Variants in CAND1 observed in about 807,000 individuals in gnomAD.
CAND1 encodes cullin associated and neddylation dissociated 1.
A neutral mutation model predicts 108.5 loss-of-function variants in CAND1; 7 were observed. The ratio of observed to expected loss-of-function variants is 0.06; its 90% CI spans 0.04 to 0.12. The LOEUF (loss-of-function observed/expected upper bound fraction) is 0.12, where lower values mean the gene tolerates loss of function less well. CAND1 is among the 10% of genes least tolerant of loss of function. The pLI, the probability that CAND1 is intolerant of heterozygous loss-of-function variation, is 1.00. For synonymous variants in CAND1, 534 were observed against 512.0 expected (o/e 1.04, Z -0.58); for missense variants, 941 against 1,448.7 (o/e 0.65, Z 5.69).
Position 67,269,612 on chromosome 12 carries a change from G to A in CAND1, c.-106G>A. On this transcript the variant is annotated 5_prime_UTR_variant, in exon 1 of 15. Coordinates refer to ENST00000545606, the MANE Select transcript of CAND1 (RefSeq NM_018448.5). ...CGTCGCGCTGCGACCCTGGAAGCGGGAGCCGCCGCGAGCGAGAGGAGGAGC... is the reference window on the plus strand; with the variant it reads ...CGTCGCGCTGCGACCCTGGAAGCGGAAGCCGCCGCGAGCGAGAGGAGGAGC... 1.0e-6 allele frequency: 1 copy of A among 966,542 alleles called. No homozygotes were observed. Among genetic ancestry groups the A allele is most frequent in the South Asian group, 1.5e-5 (1 of 66,956 alleles). The allele number at this position is 966,542 out of a possible 1,614,324, so 59.9% of individuals were successfully genotyped here.
At chr12:67,302,994 G>A (rs1236509636) in intron 8 of CAND1, among the ~76,000 whole-genome samples, 7 of 152,118 alleles carry the variant, frequency 4.6e-5, no homozygotes, top group Admixed American at 1.3e-4. Context: ...TTTCTTATTT[G>A]TAATAAGAAC....
chr12:67,273,641 A>C (rs1326327865), intron 1 of CAND1, among the ~76,000 whole-genome samples: 1 of 151,056 alleles, frequency 6.6e-6, no homozygotes. Flanking sequence ...GCACCACCAC[A>C]CTCAGCTAAT....
rs550240239 is a variant in CAND1 at position 67,272,020 on chromosome 12, T to A, written c.68+2235T>A. On this transcript the variant is annotated intron_variant, in intron 1 of 14. Transcript: ENST00000545606. ...GGCATTTATTTTAATTTGCTCTTTTTTAAAAAAATGATGCCTTGTTCTCAT... is the reference window on the plus strand; with the variant it reads ...GGCATTTATTTTAATTTGCTCTTTTATAAAAAAATGATGCCTTGTTCTCAT... Among the ~76,000 whole-genome samples the A allele has an allele frequency of 3.3e-5, 5 of 152,336 alleles. No homozygotes were observed. The South Asian group carries it at 6.2e-4, about 19-fold the overall frequency.
chr12:67,311,914 G>A (rs1409706795), intron 14 of CAND1, 114 bp downstream of exon 14: 1 of 623,570 alleles, frequency 1.6e-6, no homozygotes, highest in Non-Finnish European at 2.9e-6. Flanking sequence ...GTAGCAGTTG[G>A]TTTAAAAAGT....
rs145155430 is a variant in CAND1, at chr12:67,297,842, A to G, written c.843A>G (p.Ser281=). Reference sequence around the variant, plus strand: ...AGTACTGTATTCAAGCCTTTGAATCATTTGTAAGAAGGTAAGTTTTTAAGA... The same window carrying G: ...AGTACTGTATTCAAGCCTTTGAATCGTTTGTAAGAAGGTAAGTTTTTAAGA... ...LREYCIQAFE[S]FVRRCPKEVY... Residue 281 remains serine (S), a synonymous_variant, in exon 6 of 15, where the codon TCA becomes TCG. Transcript: ENST00000545606. 7.7e-5 allele frequency: 121 copies of G among 1,573,422 alleles called. No individual in the cohort carries two copies. The highest frequency in any genetic ancestry group is 9.8e-5 in the Non-Finnish European group (113 of 1,155,348).
Position 67,269,643 on chromosome 12 carries a change from TGGCGGCGGCGGC to T in CAND1, c.-68_-57del. 7.6e-7 allele frequency: 1 copy of T among 1,315,762 alleles called. No individual in the cohort carries two copies. The highest frequency in any genetic ancestry group is 1.1e-6 in the Non-Finnish European group (1 of 931,474). The allele number at this position is 1,315,762 out of a possible 1,614,324, so 81.5% of individuals were successfully genotyped here. On this transcript the variant is annotated 5_prime_UTR_variant, in exon 1 of 15. Coordinates refer to ENST00000545606, the MANE Select transcript of CAND1 (RefSeq NM_018448.5). ...CCGCGAGCGAGAGGAGGAGCTCCAGTGGCGGCGGCGGCGGCGGCAGCGGCAGCGGGCAGCAGC... is the reference window on the plus strand; with the variant it reads ...CCGCGAGCGAGAGGAGGAGCTCCAGTGGCGGCAGCGGCAGCGGGCAGCAGC...
Position 67,297,931 on chromosome 12 carries a change from G to A in CAND1, c.854+78G>A, listed in dbSNP as rs1192649776. On this transcript the variant is annotated intron_variant, in intron 6 of 14. Transcript: ENST00000545606. ...ATCATAAGGTCTACATTAGGTGTGT[G>A]AGGAGAAGCGGCCTTTTGGATTTCA... The A allele has an allele frequency of 2.0e-5, 14 of 702,526 alleles. No individual in the cohort carries two copies. In the South Asian group the frequency reaches 2.7e-4, roughly 13 times the overall value. 43.5% of individuals were successfully genotyped at this position (702,526 alleles called of 1,614,324 possible). A position where few individuals can be genotyped will look rare whatever the true frequency, so the allele number is the denominator to read the frequency against.
chr12:67,298,094 T>A (rs1027528212), intron 6 of CAND1, among the ~76,000 whole-genome samples: 2 of 152,180 alleles, frequency 1.3e-5, no homozygotes, highest in African/African-American at 4.8e-5. Flanking sequence ...TTTATAATTA[T>A]TTTGGGTTTA....
intron 7 of CAND1, 107 bp downstream of exon 7, chr12:67,299,202 G>A: frequency 9.3e-7 from 1 of 1,073,538 alleles, no homozygotes; most frequent in Admixed American, 3.3e-5. Flanking sequence ...TTATAATAGT[G>A]AAAAGGGAAA....
chr12:67,307,321 T>C, intron 10 of CAND1, 76 bp from the exon 11 acceptor site: 1 of 966,830 alleles, frequency 1.0e-6, no homozygotes, highest in Non-Finnish European at 1.6e-6. Flanking sequence ...TGGTGTTATT[T>C]GGAGTGGTTT....
Position 67,281,970 on chromosome 12 carries a change from T to C in CAND1, c.129T>C (p.Asp43=). The part of the protein sequence containing the change: ...ELQKDSIKLD[D]DSERKVVKMI... Reference sequence around the variant, plus strand: ...AGAAAGATTCCATCAAGTTGGATGATGATAGTGAAAGGAAAGTAGTGAAAA... The same window carrying C: ...AGAAAGATTCCATCAAGTTGGATGACGATAGTGAAAGGAAAGTAGTGAAAA... Residue 43 remains aspartate, a synonymous_variant, in exon 2 of 15, where the codon GAT becomes GAC. Transcript: ENST00000545606. 1 of 1,611,502 alleles carries C rather than the reference T, an allele frequency of 6.2e-7. No homozygotes were observed. The highest frequency in any genetic ancestry group is 8.5e-7 in the Non-Finnish European group (1 of 1,178,190).
intron 3 of CAND1, among the ~76,000 whole-genome samples, chr12:67,293,400 G>T (rs2044739338): frequency 6.6e-6 from 1 of 152,208 alleles, no homozygotes; most frequent in South Asian, 2.1e-4. Context: ...AAAAGTTTTT[G>T]TCTCATCTGC....
intron 1 of CAND1, among the ~76,000 whole-genome samples, chr12:67,278,228 C>G (rs1405035038): frequency 6.6e-6 from 1 of 152,054 alleles, no homozygotes; most frequent in African/African-American, 2.4e-5. Flanking sequence ...CCTCCACTGC[C>G]CGGCTTCAAG....
At chr12:67,274,248 G>T (rs1432992767) in intron 1 of CAND1, among the ~76,000 whole-genome samples, 1 of 152,212 alleles carries the variant, frequency 6.6e-6, no homozygotes, top group Non-Finnish European at 1.5e-5. Context: ...CTACATGCTT[G>T]TTGAATAGTT....
In CAND1 at chr12:67,295,027, A is replaced by G. The variant is rs757816185; in HGVS notation, c.368-6A>G. 2 of 1,608,300 alleles carry G rather than the reference A, an allele frequency of 1.2e-6. No homozygotes were observed. Among genetic ancestry groups the G allele is most frequent in the East Asian group, 4.5e-5 (2 of 44,664 alleles). ...TGAAATTATTATTGGCTTCTTATTC[A>G]TGCAGGCTCTGCATTAGCTGCTAAT... On this transcript the variant is annotated splice_region_variant and splice_polypyrimidine_tract_variant and intron_variant, in intron 3 of 14. Transcript: ENST00000545606.
In CAND1 at chr12:67,277,802, A is replaced by T. The variant is rs185357858; in HGVS notation, c.69-4108A>T. Among the ~76,000 whole-genome samples, 1,253 of 152,274 alleles carry T rather than the reference A, an allele frequency of 8.2e-3. 25 individuals are homozygous for T. The highest frequency in any genetic ancestry group is 0.029 in the African/African-American group (1,187 of 41,548). On this transcript the variant is annotated intron_variant, in intron 1 of 14. Transcript: ENST00000545606. ...CCTGGGAATAATGAGAATCAACTGT[A>T]TGTCATTTTTTTTTCCATCTTCATT...
intron 6 of CAND1, 108 bp downstream of exon 6, chr12:67,297,961 T>C (rs1055500096): frequency 1.6e-5 from 9 of 570,610 alleles, no homozygotes; most frequent in African/African-American, 7.5e-5. Context: ...ATTTCAGATA[T>C]AACAGACAAT....
intron 1 of CAND1, among the ~76,000 whole-genome samples, chr12:67,281,708 A>G (rs374339170): frequency 6.6e-6 from 1 of 152,324 alleles, no homozygotes; most frequent in East Asian, 1.9e-4. Flanking sequence ...TCTGGATACA[A>G]TGAATTTTAA....
At chr12:67,292,584 T>C (rs760375085) in intron 2 of CAND1, 38 bp from the exon 3 acceptor site, 6 of 1,517,822 alleles carry the variant, frequency 4.0e-6, no homozygotes, top group Non-Finnish European at 5.3e-6. Flanking sequence ...TTTGTGCTTA[T>C]CTAGCTTTTT....
Sources: gnomAD v4.1 joint callset for allele counts (sites outside exome capture counted in the v4.1 genomes callset) on GRCh38, gnomAD v4.1.1 for gene constraint, MANE v1.5 for transcripts, NCBI Gene and HGNC (gene_info 2026-07-23, HGNC 2026-07-21) for gene names.